Variants in ASIC2 observed in about 807,000 individuals in gnomAD.
The protein encoded by ASIC2 is acid-sensing ion channel 2.
ASIC2 carries 25 observed loss-of-function variants against 57.3 expected under a neutral mutation model. That is an observed-to-expected ratio of 0.44 (90% CI 0.32 to 0.61). The LOEUF is 0.61. Ranked by LOEUF, ASIC2 falls within the 20% of genes least tolerant of loss-of-function variation. The probability of loss-of-function intolerance (pLI) is 0.06; values close to 1 mark genes in which losing one functional copy is unlikely to be tolerated. For synonymous variants in ASIC2, 319 were observed against 307.5 expected, an observed-to-expected ratio of 1.04 and a Z score of -0.39; for missense variants, 641 against 738.1, an observed-to-expected ratio of 0.87 and a Z score of 1.52.
chr17:33,198,364 AAAAC>A (rs1316524796), intron 1 of ASIC2, among the ~76,000 whole-genome samples: 1 of 152,210 alleles, frequency 6.6e-6, no homozygotes, highest in Admixed American at 6.5e-5. Context: ...AACAAAACAA[AAAAC>A]AAACCTAACA....
chr17:33,872,248 C>G (rs1264390644), intron 1 of ASIC2, among the ~76,000 whole-genome samples: 1 of 152,130 alleles, frequency 6.6e-6, no homozygotes, highest in Admixed American at 6.5e-5. Context: ...GATGACAGAC[C>G]TTACGCCACA....
At chr17:33,969,662 CG>C (rs1905170901) in intron 1 of ASIC2, among the ~76,000 whole-genome samples, 1 of 152,146 alleles carries the variant, frequency 6.6e-6, no homozygotes, top group South Asian at 2.1e-4. Flanking sequence ...ACCCGAGGGA[CG>C]GGAGCTGTAC....
rs549346772 is a variant in ASIC2, at chr17:33,112,266, C to A, written c.709-199G>T. 9 of 650,826 alleles carry A rather than the reference C, an allele frequency of 1.4e-5. No homozygotes were observed. The South Asian group carries it at 1.9e-4, about 14-fold the overall frequency. 40.3% of individuals were successfully genotyped at this position (650,826 alleles called of 1,614,324 possible). The stretch of plus-strand genomic sequence containing the variant: ...CAAGTGAAATTTTGGCATCAAAGAG[C>A]AAATCTGGATGCCCTTTGGGGTTTG... On this transcript the variant is annotated intron_variant, in intron 1 of 9. Coordinates refer to ENST00000225823, the MANE Select transcript of ASIC2 (RefSeq NM_183377.2).
chr17:33,519,547 T>C (rs1251840053), intron 1 of ASIC2, among the ~76,000 whole-genome samples: 1 of 152,126 alleles, frequency 6.6e-6, no homozygotes, highest in Non-Finnish European at 1.5e-5. Context: ...GGGATCAGAC[T>C]CTCTGGGTAG....
At chr17:33,833,421 G>T (rs1421810373) in intron 1 of ASIC2, among the ~76,000 whole-genome samples, 1 of 152,106 alleles carries the variant, frequency 6.6e-6, no homozygotes, top group Non-Finnish European at 1.5e-5. Context: ...ATCCAAATAG[G>T]CTATCTGCAT....
intron 1 of ASIC2, among the ~76,000 whole-genome samples, chr17:33,438,151 C>A (rs1272942025): frequency 6.6e-6 from 1 of 152,108 alleles, no homozygotes; most frequent in Non-Finnish European, 1.5e-5. Context: ...TTAACGATAC[C>A]CAATATGCAA....
At chr17:33,842,030 G>A (rs2141908912) in intron 1 of ASIC2, among the ~76,000 whole-genome samples, 1 of 152,238 alleles carries the variant, frequency 6.6e-6, no homozygotes, top group East Asian at 1.9e-4. Flanking sequence ...CTTATGTATG[G>A]TCCAGTGGTG....
chr17:33,048,815 G>T (rs2091964799), intron 3 of ASIC2, among the ~76,000 whole-genome samples: 1 of 152,184 alleles, frequency 6.6e-6, no homozygotes, highest in Admixed American at 6.5e-5. Context: ...CTGTCTGCCT[G>T]GACTTTGGGG....
At chr17:33,924,088 G>T (rs1219463271) in intron 1 of ASIC2, among the ~76,000 whole-genome samples, 1 of 152,200 alleles carries the variant, frequency 6.6e-6, no homozygotes, top group Non-Finnish European at 1.5e-5. Flanking sequence ...AAACATCTAA[G>T]TTTCAGGTTT....
At chr17:33,674,197 T>G (rs1487672353) in intron 1 of ASIC2, among the ~76,000 whole-genome samples, 1 of 152,134 alleles carries the variant, frequency 6.6e-6, no homozygotes, top group African/African-American at 2.4e-5. Context: ...CTGGCCCGTG[T>G]CTTTAGCAAG....
At chr17:33,974,010 C>A (rs1203771361) in intron 1 of ASIC2, among the ~76,000 whole-genome samples, 1 of 152,182 alleles carries the variant, frequency 6.6e-6, no homozygotes, top group East Asian at 1.9e-4. Context: ...ACTCTGTCCT[C>A]CAAAATTTCC....
intron 1 of ASIC2, among the ~76,000 whole-genome samples, chr17:33,351,921 T>C (rs891070111): frequency 6.6e-6 from 1 of 152,148 alleles, no homozygotes; most frequent in Non-Finnish European, 1.5e-5. Context: ...CAGCTGAGAC[T>C]GTGTGAGCAG....
intron 1 of ASIC2, among the ~76,000 whole-genome samples, chr17:34,059,885 C>T (rs898775505): frequency 1.7e-4 from 26 of 152,218 alleles, no homozygotes; most frequent in Non-Finnish European, 5.9e-5. Context: ...GCCACGCCCC[C>T]ACCTGAAGGT....
At chr17:33,270,953 G>C (rs1480141996) in intron 1 of ASIC2, among the ~76,000 whole-genome samples, 1 of 152,182 alleles carries the variant, frequency 6.6e-6, no homozygotes, top group African/African-American at 2.4e-5. Context: ...CAGGATGTTA[G>C]AGCTTGGTCA....
At chr17:33,906,433 T>G (rs922061962) in intron 1 of ASIC2, among the ~76,000 whole-genome samples, 1 of 152,132 alleles carries the variant, frequency 6.6e-6, no homozygotes, top group Non-Finnish European at 1.5e-5. Flanking sequence ...CAATGCTGAG[T>G]AAGTATTCCA....
intron 1 of ASIC2, among the ~76,000 whole-genome samples, chr17:33,439,203 T>A (rs1044404472): frequency 6.6e-6 from 1 of 152,204 alleles, no homozygotes; most frequent in Non-Finnish European, 1.5e-5. Context: ...TGACTTTCAA[T>A]TTAGACACCT....
chr17:34,147,186 G>C (rs1945312517), intron 1 of ASIC2: 3 of 152,166 alleles, frequency 2.0e-5, no homozygotes, highest in Admixed American at 2.0e-4. Context: ...CATTAGAGCG[G>C]TACAGGTTGG....
At chr17:33,532,404 G>A (rs1289723311) in intron 1 of ASIC2, among the ~76,000 whole-genome samples, 1 of 152,344 alleles carries the variant, frequency 6.6e-6, no homozygotes, top group East Asian at 1.9e-4. Flanking sequence ...AAGTCTGCAT[G>A]TGTCAGCTCC....
chr17:33,156,748 T>C (rs539109373), intron 1 of ASIC2, among the ~76,000 whole-genome samples: 22 of 152,020 alleles, frequency 1.4e-4, no homozygotes, highest in African/African-American at 5.3e-4. Context: ...AGAGCGAGAC[T>C]CCATTTCAAA....
Sources: allele counts gnomAD v4.1 joint callset (sites outside exome capture counted in the v4.1 genomes callset), GRCh38; gene constraint gnomAD v4.1.1; transcripts MANE v1.5; gene names NCBI Gene and HGNC (gene_info 2026-07-23, HGNC 2026-07-21).